ATP1A2: variants seen among roughly 807,000 people sequenced by gnomAD.
The protein encoded by ATP1A2 is ATPase Na+/K+ transporting subunit alpha 2.
Under a neutral mutation model 113.1 loss-of-function variants are expected in ATP1A2, and 56 were observed. The ratio of observed to expected loss-of-function variants is 0.49; its 90% confidence interval spans 0.40 to 0.62. The LOEUF (loss-of-function observed/expected upper bound fraction) is 0.62. Ranked by LOEUF, ATP1A2 falls within the 20% of genes least tolerant of loss-of-function variation. ATP1A2 has a pLI of 0.00. For missense variants in ATP1A2, 712 were observed against 1,357.8 expected (o/e 0.52, Z 7.47); for synonymous variants, 490 against 526.8 (o/e 0.93, Z 0.96).
intron 1 of ATP1A2, among the ~76,000 whole-genome samples, 175 bp from the exon 2 acceptor site, chr1:160,120,731 T>C (rs577378807): frequency 6.6e-6 from 1 of 152,256 alleles, no homozygotes; most frequent in East Asian, 1.9e-4. Context: ...GTTCTGCCAA[T>C]AGTCTACAAA....
rs765892625 is a variant in ATP1A2, at chr1:160,121,283, A to C, written c.177+32A>C. The C allele has an allele frequency of 2.5e-6, 4 of 1,611,748 alleles. No homozygotes were observed. In the South Asian group the frequency reaches 4.4e-5, roughly 18 times the overall value. On this transcript the variant is annotated intron_variant, in intron 3 of 22. Coordinates refer to ENST00000361216, the MANE Select transcript of ATP1A2 (RefSeq NM_000702.4). ...GGAGGGGCTTCTAGGGAAGGAACAA[A>C]AGAGGCAAGAAAACCATGCAGCATC...
chr1:160,136,394 GA>G (rs939908090), intron 18 of ATP1A2, 24 bp downstream of exon 18: 2 of 1,613,564 alleles, frequency 1.2e-6, no homozygotes, highest in Non-Finnish European at 1.7e-6. Context: ...CGGGCCTCGG[GA>G]GGGAACCCCA....
Position 160,128,690 on chromosome 1 carries a change from G to A in ATP1A2, c.1056G>A (p.Lys352=). 1.2e-6 allele frequency: 2 copies of A among 1,614,198 alleles called. No individual in the cohort carries two copies. Among genetic ancestry groups the A allele is most frequent in the Non-Finnish European group, 1.7e-6 (2 of 1,180,046 alleles). ...TGACAGCCAAGCGCATGGCACGGAA[G>A]AACTGCCTGGTGAAGAACCTGGAGG... The part of the protein sequence containing the change: ...LTLTAKRMAR[K]NCLVKNLEAV... The change falls in exon 9 of 23, where the codon AAG becomes AAA. Residue 352 remains lysine (K), a synonymous_variant. Coordinates refer to ENST00000361216, the MANE Select transcript of ATP1A2 (RefSeq NM_000702.4).
In ATP1A2 at chr1:160,141,323, C is replaced by A; in HGVS notation, c.*1C>A. ...GGTGGAGAAGGAGACATACTACTGACCCCATTGGAAGAAGAACCAGGCATG... is the reference window on the plus strand; with the variant it reads ...GGTGGAGAAGGAGACATACTACTGAACCCATTGGAAGAAGAACCAGGCATG... On this transcript the variant is annotated 3_prime_UTR_variant, in exon 23 of 23. Coordinates refer to ENST00000361216, the MANE Select transcript of ATP1A2 (RefSeq NM_000702.4). 1 of 1,614,060 alleles carries A rather than the reference C, an allele frequency of 6.2e-7. No homozygotes were observed. Among genetic ancestry groups the A allele is most frequent in the Non-Finnish European group, 8.5e-7 (1 of 1,179,960 alleles).
At position 160,137,010 on chromosome 1, in the gene ATP1A2, C is replaced by CA; in HGVS notation, c.2820dup (p.Val941SerfsTer59). ...ATCATCTGCAAGACCCGCCGCAACTCAGTCTTCCAGCAGGGCATGAAGTGA... is the reference window on the plus strand; with the variant it reads ...ATCATCTGCAAGACCCGCCGCAACTCAAGTCTTCCAGCAGGGCATGAAGTGA... On this transcript the variant is annotated frameshift_variant, in exon 20 of 23. Coordinates refer to ENST00000361216, the MANE Select transcript of ATP1A2 (RefSeq NM_000702.4). LOFTEE classifies it high-confidence loss of function. 6.2e-7 allele frequency: 1 copy of CA among 1,614,180 alleles called. No individual in the cohort carries two copies. The highest frequency in any genetic ancestry group is 8.5e-7 in the Non-Finnish European group (1 of 1,180,036).
chr1:160,126,034 A>G (rs1651575411), intron 7 of ATP1A2, among the ~76,000 whole-genome samples: 1 of 152,054 alleles, frequency 6.6e-6, no homozygotes, highest in Non-Finnish European at 1.5e-5. Flanking sequence ...CTCATATCCC[A>G]ATCCACACTT....
chr1:160,125,858 G>A (rs576988836), intron 7 of ATP1A2, among the ~76,000 whole-genome samples: 11 of 152,280 alleles, frequency 7.2e-5, no homozygotes, highest in African/African-American at 2.4e-4. Context: ...AGAACTCCCA[G>A]AGCTGCCATC....
At chr1:160,121,307 T>C (rs1161744229) in intron 3 of ATP1A2, 56 bp downstream of exon 3, 6 of 1,593,464 alleles carry the variant, frequency 3.8e-6, no homozygotes, top group Non-Finnish European at 5.2e-6. Context: ...CCATGCAGCA[T>C]CAAGGTGGCA....
At chr1:160,128,252 C>T (rs1170506736) in intron 8 of ATP1A2, 1 of 425,930 alleles carries the variant, frequency 2.3e-6, no homozygotes, top group Non-Finnish European at 4.4e-6. Context: ...TGTCACTATC[C>T]TGGTTCGCCT....
At chr1:160,122,312 A>C (rs1422534984) in intron 3 of ATP1A2, among the ~76,000 whole-genome samples, 2 of 152,130 alleles carry the variant, frequency 1.3e-5, no homozygotes, top group Non-Finnish European at 2.9e-5. Context: ...TCTCCAGATC[A>C]TAAGCTCCTC....
Position 160,141,841 on chromosome 1 carries a change from T to A in ATP1A2, c.*519T>A. 6.1e-6 allele frequency: 1 copy of A among 165,044 alleles called. No individual in the cohort carries two copies. The highest frequency in any genetic ancestry group is 1.6e-4 in the South Asian group (1 of 6,098). 10.2% of individuals were successfully genotyped at this position (165,044 alleles called of 1,614,324 possible). On this transcript the variant is annotated 3_prime_UTR_variant, in exon 23 of 23. Transcript: ENST00000361216. ...TCTGGTGAGTGCAAGAGCCTGAGACTGGAAAAGGTGGACTTGTCTCCCAGT... is the reference window on the plus strand; with the variant it reads ...TCTGGTGAGTGCAAGAGCCTGAGACAGGAAAAGGTGGACTTGTCTCCCAGT...
At chr1:160,117,169 GGAGGAA>G (rs1009132399) in intron 1 of ATP1A2, among the ~76,000 whole-genome samples, 30 of 152,222 alleles carry the variant, frequency 2.0e-4, no homozygotes, top group Admixed American at 6.5e-4. Context: ...TGGGCTTCAC[GGAGGAA>G]GAGGTCATAG....
intron 17 of ATP1A2, 112 bp from the exon 18 acceptor site, chr1:160,136,135 A>C (rs1237798971): frequency 2.5e-6 from 4 of 1,600,312 alleles, no homozygotes; most frequent in Admixed American, 3.3e-5. Context: ...TGGGGTCTGA[A>C]TACACGCTTT....
intron 13 of ATP1A2, among the ~76,000 whole-genome samples, chr1:160,132,996 C>T (rs1038679051): frequency 7.2e-5 from 11 of 152,042 alleles, no homozygotes; most frequent in Non-Finnish European, 1.2e-4. Flanking sequence ...AGGCAGGAAT[C>T]ATCTCTGCAT....
intron 1 of ATP1A2, among the ~76,000 whole-genome samples, chr1:160,118,874 C>G (rs1201580541): frequency 6.6e-6 from 1 of 151,916 alleles, no homozygotes; most frequent in East Asian, 1.9e-4. Context: ...TGGGATTGCT[C>G]CTGACTCTGA....
chr1:160,123,126 C>A, intron 3 of ATP1A2, 87 bp from the exon 4 acceptor site: 1 of 1,482,314 alleles, frequency 6.7e-7, no homozygotes, highest in Non-Finnish European at 9.3e-7. Context: ...GGCATTCTTC[C>A]CATGCCCGGG....
chr1:160,117,468 C>G (rs193225315), intron 1 of ATP1A2, among the ~76,000 whole-genome samples: 3 of 152,246 alleles, frequency 2.0e-5, no homozygotes, highest in African/African-American at 4.8e-5. Context: ...CCTAGCACCC[C>G]CAAACTCCCC....
chr1:160,128,620 T>C, intron 8 of ATP1A2, 32 bp from the exon 9 acceptor site: 1 of 1,614,062 alleles, frequency 6.2e-7, no homozygotes, highest in Non-Finnish European at 8.5e-7. Context: ...GCTTCAGCCT[T>C]AACCTTTTTT....
At position 160,135,900 on chromosome 1, in the gene ATP1A2, C is replaced by A; in HGVS notation, c.2346C>A (p.Pro782=). The A allele has an allele frequency of 6.2e-7, 1 of 1,614,170 alleles. No individual in the cohort carries two copies. The highest frequency in any genetic ancestry group is 8.5e-7 in the Non-Finnish European group (1 of 1,180,032). ...CCTACACCCTGACCAGCAACATCCCCGAGATCACCCCCTTCCTGCTGTTCA... is the reference window on the plus strand; with the variant it reads ...CCTACACCCTGACCAGCAACATCCCAGAGATCACCCCCTTCCTGCTGTTCA... The part of the protein sequence containing the change: ...SIAYTLTSNI[P]EITPFLLFII... Residue 782 remains proline (P), a synonymous_variant, in exon 17 of 23, where the codon CCC becomes CCA. Transcript: ENST00000361216. The surrounding 1 kb of genome is among the most constrained non-coding windows in gnomAD (Gnocchi z 6.3).
Sources: allele counts gnomAD v4.1 joint callset (sites outside exome capture counted in the v4.1 genomes callset), GRCh38; gene constraint gnomAD v4.1.1; non-coding constraint Gnocchi (gnomAD v3.1); transcripts MANE v1.5; gene names NCBI Gene and HGNC (gene_info 2026-07-23, HGNC 2026-07-21).